Variants in NTRK3 observed in about 807,000 individuals in gnomAD.
NTRK3 encodes the protein NT-3 growth factor receptor.
NTRK3 carries 24 observed loss-of-function variants against 91.7 expected under a neutral mutation model. That is an observed-to-expected ratio of 0.26 (90% CI 0.19 to 0.37). The LOEUF (loss-of-function observed/expected upper bound fraction) is 0.37. Ranked by LOEUF, NTRK3 falls within the 10% of genes least tolerant of loss-of-function variation. The pLI, the probability that NTRK3 is intolerant of heterozygous loss-of-function variation, is 1.00. For missense variants in NTRK3, 880 were observed against 1,068.9 expected (o/e 0.82, Z 2.46); for synonymous variants, 483 against 404.0 (o/e 1.20, Z -2.34).
chr15:87,897,690 A>T (rs1302883998), intron 17 of NTRK3, among the ~76,000 whole-genome samples: 1 of 152,228 alleles, frequency 6.6e-6, no homozygotes, highest in Non-Finnish European at 1.5e-5. Flanking sequence ...GACCCTGCAT[A>T]GCTCAGGTAC....
At chr15:88,080,553 A>C (rs17828501) in intron 13 of NTRK3, among the ~76,000 whole-genome samples, 4,402 of 152,306 alleles carry the variant, frequency 0.029, 94 homozygotes, top group Non-Finnish European at 0.048. Context: ...GATTTTTGAG[A>C]GCCCAAAGGC....
At chr15:87,867,697 T>C (rs541697665) in exon 19 of NTRK3, 1 of 228,800 alleles carries the variant, frequency 4.4e-6, no homozygotes, top group Non-Finnish European at 8.7e-6. Flanking sequence ...TTGGTTCACG[T>C]TCTAATTCAA....
At chr15:88,087,070 C>G (rs960015155) in intron 13 of NTRK3, among the ~76,000 whole-genome samples, 2 of 152,208 alleles carry the variant, frequency 1.3e-5, no homozygotes, top group Admixed American at 1.3e-4. Flanking sequence ...CACACACAAC[C>G]TAAAATCATT....
intron 14 of NTRK3, among the ~76,000 whole-genome samples, chr15:88,015,397 C>CA (rs1208989965): frequency 1.1e-4 from 16 of 152,136 alleles, no homozygotes; most frequent in Non-Finnish European, 2.4e-4. Context: ...CTGCCCCCAC[C>CA]AAACCCTGCC....
chr15:87,991,159 C>T (rs1433232905), intron 14 of NTRK3, among the ~76,000 whole-genome samples: 2 of 152,156 alleles, frequency 1.3e-5, no homozygotes, highest in East Asian at 3.8e-4. Context: ...ATTTTCCTAC[C>T]TTTCTGCTCC....
At chr15:88,090,064 T>C (rs958738970) in intron 13 of NTRK3, among the ~76,000 whole-genome samples, 1 of 152,170 alleles carries the variant, frequency 6.6e-6, no homozygotes, top group East Asian at 1.9e-4. Flanking sequence ...AGGAACTCTC[T>C]TCCCCGAGAT....
intron 14 of NTRK3, among the ~76,000 whole-genome samples, chr15:88,018,327 G>A (rs2077377631): frequency 6.6e-6 from 1 of 152,190 alleles, no homozygotes; most frequent in South Asian, 2.1e-4. Flanking sequence ...ACCCAAACTG[G>A]TATCTGTCTG....
intron 3 of NTRK3, among the ~76,000 whole-genome samples, chr15:88,187,824 C>T (rs2047066216): frequency 6.6e-6 from 1 of 151,796 alleles, no homozygotes; most frequent in South Asian, 2.1e-4. Flanking sequence ...ATCCCAACTA[C>T]TCAGGAGGCT....
exon 19 of NTRK3, chr15:87,873,905 C>T (rs377548911): frequency 4.3e-5 from 10 of 230,102 alleles, no homozygotes; most frequent in African/African-American, 1.3e-4. Context: ...GAGCCTTCAG[C>T]GGCAACTGCC....
intron 14 of NTRK3, among the ~76,000 whole-genome samples, chr15:88,012,748 G>A (rs956078368): frequency 1.2e-4 from 19 of 152,126 alleles, no homozygotes; most frequent in African/African-American, 4.6e-4. Context: ...TTGATCGGGG[G>A]AAAAAGGAAA....
At chr15:88,033,309 C>T (rs2078767689) in intron 13 of NTRK3, among the ~76,000 whole-genome samples, 1 of 138,446 alleles carries the variant, frequency 7.2e-6, no homozygotes, top group Admixed American at 7.3e-5. Flanking sequence ...TATAGGTTGC[C>T]TTTTTTTTTT....
intron 14 of NTRK3, among the ~76,000 whole-genome samples, chr15:87,993,059 A>G (rs1157057882): frequency 1.3e-5 from 2 of 152,168 alleles, no homozygotes; most frequent in African/African-American, 2.4e-5. Context: ...TACTTTCAAA[A>G]TAACTCTGAG....
intron 3 of NTRK3, among the ~76,000 whole-genome samples, chr15:88,230,958 C>A (rs960208789): frequency 1.3e-5 from 2 of 152,230 alleles, no homozygotes; most frequent in Non-Finnish European, 2.9e-5. Context: ...GCTCTCAGAA[C>A]ATGGCCAAGT....
At chr15:88,254,328 G>A (rs780727941) in intron 3 of NTRK3, among the ~76,000 whole-genome samples, 1 of 152,108 alleles carries the variant, frequency 6.6e-6, no homozygotes, top group Non-Finnish European at 1.5e-5. Flanking sequence ...GGCCTGCAGT[G>A]GGGGAGAGGC....
chr15:88,187,635 T>C (rs753479362), intron 3 of NTRK3, among the ~76,000 whole-genome samples: 1 of 152,220 alleles, frequency 6.6e-6, no homozygotes, highest in East Asian at 1.9e-4. Context: ...GTTGTTTTCA[T>C]TGAGCATTTG....
chr15:88,123,103 A>G (rs1466990610), intron 13 of NTRK3, among the ~76,000 whole-genome samples: 3 of 152,166 alleles, frequency 2.0e-5, no homozygotes, highest in African/African-American at 7.2e-5. Context: ...CCTTTTTGGA[A>G]GGCAATAAAA....
intron 5 of NTRK3, among the ~76,000 whole-genome samples, chr15:88,170,277 T>A (rs547810803): frequency 1.1e-4 from 16 of 152,314 alleles, no homozygotes; most frequent in African/African-American, 3.8e-4. Flanking sequence ...GTTGACATAA[T>A]TTGCATCAGC....
exon 19 of NTRK3, chr15:87,875,375 C>A (rs2064921593): frequency 4.3e-6 from 1 of 231,554 alleles, no homozygotes; most frequent in East Asian, 6.1e-5. Context: ...AGAGGTCGGC[C>A]CCACTGTGGT....
chr15:88,256,055 A>C (rs1179414394), exon 3 of NTRK3: 4 of 1,613,328 alleles, frequency 2.5e-6, no homozygotes, highest in African/African-American at 1.3e-5. Context: ...CACAATTTGC[A>C]GGGCAAGCCA....
Sources: gnomAD v4.1 joint callset for allele counts (sites outside exome capture counted in the v4.1 genomes callset) on GRCh38, gnomAD v4.1.1 for gene constraint, MANE v1.5 for transcripts, NCBI Gene and HGNC (gene_info 2026-07-23, HGNC 2026-07-21) for gene names.